Variants in DAB1 observed in about 807,000 individuals in gnomAD.
DAB1 encodes DAB adaptor protein 1.
Under a neutral mutation model 64.6 loss-of-function variants are expected in DAB1, and 15 were observed. That is an observed-to-expected ratio of 0.23 (90% CI 0.16 to 0.36). The LOEUF is 0.36. Among genes scored for constraint, DAB1 ranks in the 10% least tolerant of loss-of-function variants. The pLI, the probability that DAB1 is intolerant of heterozygous loss-of-function variation, is 1.00. For missense variants in DAB1, 596 were observed against 706.7 expected (o/e 0.84, Z 1.78); for synonymous variants, 235 against 251.9 (o/e 0.93, Z 0.64).
intron 4 of DAB1, among the ~76,000 whole-genome samples, chr1:58,231,853 T>C (rs1659789047): frequency 6.6e-6 from 1 of 152,212 alleles, no homozygotes; most frequent in African/African-American, 2.4e-5. Context: ...ATTTTCTCAC[T>C]TGGTCTTCAT....
At chr1:57,652,540 C>G (rs897051911) in intron 6 of DAB1, among the ~76,000 whole-genome samples, 1 of 152,172 alleles carries the variant, frequency 6.6e-6, no homozygotes, top group Non-Finnish European at 1.5e-5. Context: ...GGGCAGCATG[C>G]AAGAATGTAA....
intron 5 of DAB1, among the ~76,000 whole-genome samples, chr1:57,987,847 G>GT (rs150300744): frequency 0.3 from 44,831 of 147,412 alleles, 8,523 homozygotes; most frequent in Admixed American, 0.44. Context: ...TGTTTTTTTT[G>GT]TTTTTTTTTT....
At chr1:57,740,046 C>CAATAAAAAAA (rs1647906018) in intron 6 of DAB1, among the ~76,000 whole-genome samples, 1 of 103,142 alleles carries the variant, frequency 9.7e-6, no homozygotes, top group African/African-American at 3.8e-5. Flanking sequence ...ACTACTACTA[C>CAATAAAAAAA]AAAAAAAAAA....
At position 58,475,446 on chromosome 1, in the gene DAB1, G is replaced by C. The variant is rs1006487646; in HGVS notation, n.257+30614C>G. Among the ~76,000 whole-genome samples the C allele has an allele frequency of 1.2e-4, 18 of 151,946 alleles. 1 individual carries two copies. Among genetic ancestry groups the C allele is most frequent in the Admixed American group, 8.5e-4 (13 of 15,242 alleles). On this transcript the variant is annotated intron_variant and non_coding_transcript_variant, in intron 3 of 20. Coordinates refer to the DAB1 transcript ENST00000485760. ...CAAAGTGTTGGGATTACAGGAATGA[G>C]CCACTGTGCCTGGCTGAATTAGGTT...
chr1:57,840,802 C>A (rs774618544), intron 1 of DAB1, among the ~76,000 whole-genome samples: 4 of 152,194 alleles, frequency 2.6e-5, no homozygotes, highest in African/African-American at 4.8e-5. Context: ...CCTCCCTCCA[C>A]ACATGAAATT....
chr1:58,095,656 A>G (rs1219119554), intron 5 of DAB1, among the ~76,000 whole-genome samples: 4 of 152,218 alleles, frequency 2.6e-5, no homozygotes, highest in Non-Finnish European at 5.9e-5. Context: ...ATTCTTCCTG[A>G]CGGATATTGT....
intron 5 of DAB1, among the ~76,000 whole-genome samples, chr1:57,922,710 C>A (rs1202817): frequency 0.17 from 26,350 of 151,320 alleles, 2,977 homozygotes; most frequent in African/African-American, 0.32. Context: ...GCTGGGCGTG[C>A]TGGCTGACAC....
At chr1:57,569,513 C>T (rs151036545) in intron 7 of DAB1, among the ~76,000 whole-genome samples, 4,534 of 151,986 alleles carry the variant, frequency 0.03, 173 homozygotes, top group Admixed American at 0.12. Context: ...AACCAAACAC[C>T]GCATGTTCTC....
At chr1:57,989,719 GTAATT>G (rs1300525098) in intron 5 of DAB1, among the ~76,000 whole-genome samples, 1 of 152,132 alleles carries the variant, frequency 6.6e-6, no homozygotes, top group East Asian at 1.9e-4. Flanking sequence ...GCTCAGAGAA[GTAATT>G]GCCACAAAAA....
At chr1:57,878,353 C>T (rs1032398974) in intron 1 of DAB1, 2 of 152,282 alleles carry the variant, frequency 1.3e-5, no homozygotes, top group Admixed American at 6.5e-5. Flanking sequence ...ATTTCAGACA[C>T]TTCCAGACAA....
intron 4 of DAB1, among the ~76,000 whole-genome samples, chr1:58,164,123 G>A (rs1288934862): frequency 1.3e-5 from 2 of 151,336 alleles, no homozygotes; most frequent in East Asian, 1.9e-4. Flanking sequence ...GCACTGTGTG[G>A]GGAGGGTAAT....
intron 3 of DAB1, among the ~76,000 whole-genome samples, chr1:58,463,532 G>T (rs1288151494): frequency 6.6e-6 from 1 of 152,232 alleles, no homozygotes; most frequent in Non-Finnish European, 1.5e-5. Flanking sequence ...TATGGTGTTT[G>T]CATACACTGG....
intron 3 of DAB1, among the ~76,000 whole-genome samples, chr1:58,402,853 A>C (rs1026980907): frequency 3.9e-5 from 6 of 152,294 alleles, no homozygotes; most frequent in African/African-American, 1.4e-4. Flanking sequence ...TGGTTGCCAT[A>C]AGTCAAATAC....
Position 57,984,258 on chromosome 1 carries a change from AAG to A in DAB1, n.388-100098_388-100097del, listed in dbSNP as rs1351778663. On this transcript the variant is annotated intron_variant and non_coding_transcript_variant, in intron 5 of 20. Transcript: ENST00000485760. ...AAAGAAAGAAAGAAAGAAAGAAAGA[AAG>A]AAAAAAAATTAAACAGCCAAACCCA... Among the ~76,000 whole-genome samples the A allele has an allele frequency of 2.8e-5, 4 of 140,702 alleles. 1 individual carries two copies. The highest frequency in any genetic ancestry group is 7.0e-5 in the Admixed American group (1 of 14,370). 92.3% of individuals were successfully genotyped at this position (140,702 alleles called of 152,430 possible). A position where few individuals can be genotyped will look rare whatever the true frequency, so the allele number is the denominator to read the frequency against.
intron 4 of DAB1, among the ~76,000 whole-genome samples, chr1:57,105,943 CCT>C (rs1251467216): frequency 6.6e-6 from 1 of 152,096 alleles, no homozygotes; most frequent in Non-Finnish European, 1.5e-5. Context: ...AGCTGGGGGC[CCT>C]GAGTCTGAAT....
At chr1:58,402,908 T>C (rs1024552612) in intron 3 of DAB1, among the ~76,000 whole-genome samples, 2 of 152,240 alleles carry the variant, frequency 1.3e-5, no homozygotes, top group Non-Finnish European at 2.9e-5. Context: ...ACGCACCTTC[T>C]TGACCTCTCT....
chr1:57,076,452 T>G (rs1281932033), intron 4 of DAB1, among the ~76,000 whole-genome samples: 1 of 152,222 alleles, frequency 6.6e-6, no homozygotes, highest in Admixed American at 6.5e-5. Context: ...ATTCTCCCCA[T>G]CCTGAACTCT....
At chr1:58,419,269 C>A (rs1012521697) in intron 3 of DAB1, among the ~76,000 whole-genome samples, 3 of 152,158 alleles carry the variant, frequency 2.0e-5, no homozygotes, top group African/African-American at 7.2e-5. Context: ...AAGTATGAAA[C>A]CATAAGACTC....
chr1:57,242,623 C>A (rs1668576477), intron 2 of DAB1, among the ~76,000 whole-genome samples: 1 of 152,146 alleles, frequency 6.6e-6, no homozygotes, highest in Non-Finnish European at 1.5e-5. Flanking sequence ...GCATATAATC[C>A]TTTGATAATA....
Sources: allele counts gnomAD v4.1 joint callset (sites outside exome capture counted in the v4.1 genomes callset), GRCh38; gene constraint gnomAD v4.1.1; transcripts MANE v1.5; gene names NCBI Gene and HGNC (gene_info 2026-07-23, HGNC 2026-07-21).